The following SPHKAP variants were observed in gnomAD, a reference collection of about 807,000 sequenced individuals.
SPHKAP encodes the protein SPHK1 interactor, AKAP domain containing, also known as A-kinase anchor protein SPHKAP.
Under a neutral mutation model 137.5 loss-of-function variants are expected in SPHKAP, and 67 were observed. The ratio of observed to expected loss-of-function variants is 0.49; its 90% CI spans 0.40 to 0.60. The LOEUF (loss-of-function observed/expected upper bound fraction) is 0.60. SPHKAP is among the 20% of genes least tolerant of loss of function. The probability of loss-of-function intolerance (pLI) is 0.00; values close to 1 mark genes in which losing one functional copy is unlikely to be tolerated. For missense variants in SPHKAP, 2,097 were observed against 2,069.3 expected, an observed-to-expected ratio of 1.01 and a Z score of -0.26; for synonymous variants, 813 against 785.3, an observed-to-expected ratio of 1.04 and a Z score of -0.59.
At chr2:227,997,885 T>G (rs1200210822) in intron 7 of SPHKAP, among the ~76,000 whole-genome samples, 3 of 152,216 alleles carry the variant, frequency 2.0e-5, no homozygotes, top group African/African-American at 7.2e-5. Flanking sequence ...AATATGTTAT[T>G]GCTAAAAGTG....
At chr2:227,988,265 A>T (rs1308456506) in intron 11 of SPHKAP, among the ~76,000 whole-genome samples, 1 of 152,206 alleles carries the variant, frequency 6.6e-6, no homozygotes, top group East Asian at 1.9e-4. Context: ...GTCTTAGATG[A>T]CTCAAAAGAA....
chr2:228,039,672 T>A (rs1482421041), intron 3 of SPHKAP, among the ~76,000 whole-genome samples: 1 of 152,228 alleles, frequency 6.6e-6, no homozygotes, highest in Non-Finnish European at 1.5e-5. Flanking sequence ...AAGTGAATTG[T>A]AATTCACAGC....
chr2:228,065,885 C>T (rs370822921), intron 3 of SPHKAP, among the ~76,000 whole-genome samples: 62 of 152,318 alleles, frequency 4.1e-4, no homozygotes, highest in African/African-American at 1.4e-3. Flanking sequence ...GATGAATATC[C>T]TGCCTGCACT....
chr2:228,098,896 G>T (rs1698095506), intron 3 of SPHKAP, among the ~76,000 whole-genome samples: 2 of 150,144 alleles, frequency 1.3e-5, no homozygotes, highest in South Asian at 2.1e-4. Context: ...TTTGCTTTTT[G>T]ATTTCTTTAA....
chr2:228,058,717 G>T (rs181062655), intron 3 of SPHKAP, among the ~76,000 whole-genome samples: 3 of 152,258 alleles, frequency 2.0e-5, no homozygotes, highest in African/African-American at 4.8e-5. Context: ...TAGCACTGTG[G>T]CAACAAATAG....
chr2:228,153,854 G>A (rs1285413288), intron 1 of SPHKAP, among the ~76,000 whole-genome samples: 3 of 152,136 alleles, frequency 2.0e-5, no homozygotes, highest in African/African-American at 7.2e-5. Flanking sequence ...GAGAAGGACA[G>A]CGCCAGCGGG....
chr2:228,164,298 T>C (rs1450423368), intron 1 of SPHKAP, among the ~76,000 whole-genome samples: 1 of 152,140 alleles, frequency 6.6e-6, no homozygotes, highest in African/African-American at 2.4e-5. Context: ...CTTTCAGACT[T>C]TGACTGAGCC....
intron 1 of SPHKAP, among the ~76,000 whole-genome samples, chr2:228,144,935 A>G (rs1259008465): frequency 6.6e-6 from 1 of 152,200 alleles, no homozygotes; most frequent in Non-Finnish European, 1.5e-5. Flanking sequence ...ATCCCACGGC[A>G]AAAGCTTTAG....
chr2:228,005,171 A>G (rs1426736752), intron 7 of SPHKAP, among the ~76,000 whole-genome samples: 1 of 152,112 alleles, frequency 6.6e-6, no homozygotes, highest in Non-Finnish European at 1.5e-5. Flanking sequence ...GTCTCCCACT[A>G]TTATTGTATG....
chr2:228,013,187 A>AT (rs1386332885), intron 7 of SPHKAP, among the ~76,000 whole-genome samples: 1 of 152,196 alleles, frequency 6.6e-6, no homozygotes, highest in Non-Finnish European at 1.5e-5. Context: ...AATATGGTTA[A>AT]TTTTCCCTCT....
chr2:228,134,224 A>AGGAGGGAG (rs1363494725), intron 1 of SPHKAP, among the ~76,000 whole-genome samples: 2 of 124,900 alleles, frequency 1.6e-5, no homozygotes, highest in African/African-American at 3.5e-5. Flanking sequence ...AAGGAAGGGA[A>AGGAGGGAG]GGAGGGAGGG....
chr2:228,046,465 T>C (rs1323635992), intron 3 of SPHKAP, among the ~76,000 whole-genome samples: 3 of 152,078 alleles, frequency 2.0e-5, no homozygotes, highest in Non-Finnish European at 4.4e-5. Flanking sequence ...TGCTAAGTTG[T>C]GGTGAATAAA....
At chr2:227,991,765 C>T (rs986929195) in intron 9 of SPHKAP, 1 of 670,916 alleles carries the variant, frequency 1.5e-6, no homozygotes, top group African/African-American at 1.9e-5. Flanking sequence ...TTCTATACTA[C>T]AATAGCAACA....
At chr2:228,162,237 C>G (rs1484027648) in intron 1 of SPHKAP, among the ~76,000 whole-genome samples, 2 of 152,146 alleles carry the variant, frequency 1.3e-5, no homozygotes. Context: ...AGGTTGATCT[C>G]CAGAATGAGA....
Position 228,108,877 on chromosome 2 carries a change from G to T in SPHKAP, c.201C>A (p.Pro67=). The change falls in exon 3 of 12, where the codon CCC becomes CCA. Residue 67 remains proline, a synonymous_variant. Transcript: ENST00000392056. ...TGTCTTCTACAAAACCAATTTGGCA[G>T]GGCATCCTCTGATTCTGCAACCAGT... is the stretch of plus-strand genomic sequence containing the variant. ...TDYWLQNQRM[P]CQIGFVEDKS... 2 of 1,610,304 alleles carry T rather than the reference G, an allele frequency of 1.2e-6. No individual in the cohort carries two copies. Among genetic ancestry groups the T allele is most frequent in the Non-Finnish European group, 1.7e-6 (2 of 1,179,188 alleles).
rs529687283 is a variant in SPHKAP, at chr2:228,161,671, A to C, written c.32+19896T>G. On this transcript the variant is annotated intron_variant, in intron 1 of 11. Transcript: ENST00000392056. ...ACGTTTACCTATGTAACAAACCTGC[A>C]TGTCCTGCACGTGCACCTTGGAACT... Among the ~76,000 whole-genome samples the C allele has an allele frequency of 5.9e-5, 9 of 151,798 alleles. No homozygotes were observed. In the East Asian group the frequency reaches 1.7e-3, roughly 29 times the overall value.
intron 2 of SPHKAP, 37 bp from the exon 3 acceptor site, chr2:228,108,976 A>C: frequency 7.3e-7 from 1 of 1,372,052 alleles, no homozygotes; most frequent in Non-Finnish European, 1.0e-6. Flanking sequence ...CTTATTCGGC[A>C]ATCCTTTCTA....
At chr2:227,985,627 C>G (rs1014339651) in intron 11 of SPHKAP, among the ~76,000 whole-genome samples, 10 of 152,048 alleles carry the variant, frequency 6.6e-5, no homozygotes, top group Non-Finnish European at 1.2e-4. Context: ...GGTTCCCTAC[C>G]CATAGATCAT....
intron 3 of SPHKAP, among the ~76,000 whole-genome samples, chr2:228,104,224 TTA>T (rs1349843265): frequency 1.4e-4 from 20 of 139,440 alleles, no homozygotes; most frequent in Non-Finnish European, 1.9e-4. Context: ...TGATTAAATA[TTA>T]TATGTTATAT....
Sources: gnomAD v4.1 joint callset for allele counts (sites outside exome capture counted in the v4.1 genomes callset) on GRCh38, gnomAD v4.1.1 for gene constraint, MANE v1.5 for transcripts, NCBI Gene and HGNC (gene_info 2026-07-23, HGNC 2026-07-21) for gene names.